Variants in FBXO34 observed in about 807,000 individuals in gnomAD.
The protein encoded by FBXO34 is F-box only protein 34.
A neutral mutation model predicts 24.5 loss-of-function variants in FBXO34; 12 were observed. The ratio of observed to expected loss-of-function variants is 0.49; its 90% CI spans 0.31 to 0.79. The LOEUF (loss-of-function observed/expected upper bound fraction) is 0.79. Ranked by LOEUF, FBXO34 falls within the 30% of genes least tolerant of loss-of-function variation. The probability of loss-of-function intolerance (pLI) is 0.04; values close to 1 mark genes in which losing one functional copy is unlikely to be tolerated. For missense variants in FBXO34, 823 were observed against 857.7 expected (o/e 0.96, Z 0.51); for synonymous variants, 320 against 311.9 (o/e 1.03, Z -0.27).
In FBXO34 at chr14:55,331,705, G is replaced by GTGTATATA. The variant is rs1555338529; in HGVS notation, c.-10-18675_-10-18674insGTATATAT. ...TATATGTGTATATATATATATATAT[G>GTGTATATA]TATATATATATGTATATATATATGT... is the stretch of plus-strand genomic sequence containing the variant. On this transcript the variant is annotated intron_variant, in intron 1 of 1. Coordinates refer to ENST00000313833, the MANE Select transcript of FBXO34 (RefSeq NM_017943.4). Among the ~76,000 whole-genome samples, 4 of 26,958 alleles carry GTGTATATA rather than the reference G, an allele frequency of 1.5e-4. 1 individual carries two copies. The African/African-American group carries it at 1.6e-3, about 11-fold the overall frequency. The allele number at this position is 26,958 out of a possible 152,430, so 17.7% of individuals were successfully genotyped here. A position where few individuals can be genotyped will look rare whatever the true frequency, so the allele number is the denominator to read the frequency against.
intron 1 of FBXO34, among the ~76,000 whole-genome samples, chr14:55,297,540 T>G (rs1882181647): frequency 6.7e-6 from 1 of 148,886 alleles, no homozygotes; most frequent in African/African-American, 2.5e-5. Context: ...TTAATTTTCC[T>G]TTCTCTTTGC....
At chr14:55,391,094 T>A in the FBXO34 span, 1 of 761,318 alleles carries the variant, frequency 1.3e-6, no homozygotes, top group Non-Finnish European at 2.1e-6. Context: ...TCAGAAAACA[T>A]AATGAAGAAA....
At chr14:55,424,480 A>G in the FBXO34 span, among the ~76,000 whole-genome samples, 71 of 152,330 alleles carry the variant, frequency 4.7e-4, no homozygotes, top group Non-Finnish European at 8.1e-4. Flanking sequence ...AGTGCAAGCT[A>G]TCCTGGATGG....
the FBXO34 span, among the ~76,000 whole-genome samples, chr14:55,417,722 A>C: frequency 1.3e-5 from 2 of 152,282 alleles, no homozygotes; most frequent in Admixed American, 6.5e-5. Context: ...TTGGCCTCCC[A>C]AAGTGCTGGT....
intron 1 of FBXO34, among the ~76,000 whole-genome samples, chr14:55,283,825 T>C (rs1881646020): frequency 2.0e-5 from 3 of 152,138 alleles, no homozygotes; most frequent in Admixed American, 2.0e-4. Flanking sequence ...ATAATAAAAT[T>C]GGTTATTAAA....
the FBXO34 span, among the ~76,000 whole-genome samples, chr14:55,402,966 T>TAAATAA: frequency 1.7e-5 from 1 of 59,082 alleles, no homozygotes; most frequent in Non-Finnish European, 3.3e-5. Context: ...TATATATATA[T>TAAATAA]ATAAATAGCT....
At chr14:55,378,496 C>T in the FBXO34 span, among the ~76,000 whole-genome samples, 1 of 152,186 alleles carries the variant, frequency 6.6e-6, no homozygotes, top group Non-Finnish European at 1.5e-5. Context: ...ACAAGATTTG[C>T]ACCCCATCTT....
At chr14:55,412,747 CCT>C in the FBXO34 span, among the ~76,000 whole-genome samples, 2 of 152,188 alleles carry the variant, frequency 1.3e-5, no homozygotes, top group African/African-American at 4.8e-5. Flanking sequence ...AGCCAGGATT[CCT>C]TTCTCAAGTT....
chr14:55,290,717 A>G lies in FBXO34; in HGVS notation c.-11+19180A>G, dbSNP rs188967921. ...AATTATGTTTCATTAGTTAGAACTT[A>G]GTGTCATAGCCACATCTGAATGCAA... On this transcript the variant is annotated intron_variant, in intron 1 of 1. Coordinates refer to ENST00000313833, the MANE Select transcript of FBXO34 (RefSeq NM_017943.4). Among the ~76,000 whole-genome samples the G allele has an allele frequency of 3.3e-3, 496 of 152,352 alleles. 4 individuals carry two copies. The highest frequency in any genetic ancestry group is 0.011 in the African/African-American group (469 of 41,574).
chr14:55,415,870 T>TA, the FBXO34 span, among the ~76,000 whole-genome samples: 1 of 151,664 alleles, frequency 6.6e-6, no homozygotes, highest in Non-Finnish European at 1.5e-5. Context: ...TGTCTCAAAA[T>TA]AAAAAAATGT....
At chr14:55,396,715 A>G in the FBXO34 span, among the ~76,000 whole-genome samples, 1 of 152,228 alleles carries the variant, frequency 6.6e-6, no homozygotes, top group African/African-American at 2.4e-5. Context: ...ATGAAGGCAC[A>G]AGAGATGCAA....
chr14:55,297,933 C>T (rs10130894), intron 1 of FBXO34, among the ~76,000 whole-genome samples: 15,417 of 152,200 alleles, frequency 0.1, 2,161 homozygotes, highest in African/African-American at 0.32. Flanking sequence ...ACTGACCGTC[C>T]ACTTCTTGGA....
intron 1 of FBXO34, among the ~76,000 whole-genome samples, chr14:55,278,810 C>G (rs747336025): frequency 3.3e-5 from 5 of 152,188 alleles, no homozygotes; most frequent in Non-Finnish European, 7.3e-5. Flanking sequence ...CCTCAGCCTT[C>G]TGAGTAGCTG....
chr14:55,311,377 A>G (rs1017218407), intron 1 of FBXO34, among the ~76,000 whole-genome samples: 17 of 152,208 alleles, frequency 1.1e-4, no homozygotes, highest in African/African-American at 3.9e-4. Flanking sequence ...GTTGGGTGGG[A>G]ACACAAAGCC....
chr14:55,286,140 C>T (rs958384084), intron 1 of FBXO34, among the ~76,000 whole-genome samples: 2 of 152,150 alleles, frequency 1.3e-5, no homozygotes, highest in Non-Finnish European at 2.9e-5. Flanking sequence ...AAATTAATCT[C>T]TACCTCTTTC....
chr14:55,399,146 A>G, the FBXO34 span, among the ~76,000 whole-genome samples: 1 of 152,266 alleles, frequency 6.6e-6, no homozygotes, highest in East Asian at 1.9e-4. Flanking sequence ...AAAATGGTCT[A>G]ATCATGACCC....
chr14:55,289,048 C>T (rs1467820388), intron 1 of FBXO34, among the ~76,000 whole-genome samples: 2 of 151,802 alleles, frequency 1.3e-5, no homozygotes, highest in Non-Finnish European at 1.5e-5. Context: ...GAGACTCTGT[C>T]TCAAAAAAAC....
the FBXO34 span, among the ~76,000 whole-genome samples, chr14:55,418,647 C>T: frequency 6.6e-6 from 1 of 152,184 alleles, no homozygotes; most frequent in African/African-American, 2.4e-5. Context: ...CCGAGAAGCA[C>T]AGATGTTGAG....
chr14:55,285,035 TAA>T (rs774105315), intron 1 of FBXO34, among the ~76,000 whole-genome samples: 22 of 136,738 alleles, frequency 1.6e-4, no homozygotes, highest in South Asian at 2.4e-4. Flanking sequence ...CAGGTGAGGT[TAA>T]AAAAAAAAAA....
Sources: gnomAD v4.1 joint callset for allele counts (sites outside exome capture counted in the v4.1 genomes callset) on GRCh38, gnomAD v4.1.1 for gene constraint, MANE v1.5 for transcripts, NCBI Gene and HGNC (gene_info 2026-07-23, HGNC 2026-07-21) for gene names.